The following SRGAP1 variants were observed in gnomAD, a reference collection of about 807,000 sequenced individuals.
SRGAP1 encodes SLIT-ROBO Rho GTPase-activating protein 1.
A neutral mutation model predicts 121.9 loss-of-function variants in SRGAP1; 43 were observed. The ratio of observed to expected loss-of-function variants is 0.35; its 90% CI spans 0.28 to 0.46. SRGAP1 has a LOEUF of 0.46. Ranked by LOEUF, SRGAP1 falls within the 20% of genes least tolerant of loss-of-function variation. SRGAP1 has a pLI of 1.00. For synonymous variants in SRGAP1, 447 were observed against 485.4 expected (o/e 0.92, Z 1.04); for missense variants, 1,102 against 1,350.9 (o/e 0.82, Z 2.89).
At chr12:63,847,739 C>G (rs1485551039) in intron 1 of SRGAP1, among the ~76,000 whole-genome samples, 2 of 152,214 alleles carry the variant, frequency 1.3e-5, no homozygotes, top group Non-Finnish European at 2.9e-5. Context: ...GAGTGAGACT[C>G]TGTCTCAAGA....
At chr12:64,050,653 A>G (rs1439508796) in intron 6 of SRGAP1, among the ~76,000 whole-genome samples, 1 of 152,210 alleles carries the variant, frequency 6.6e-6, no homozygotes, top group African/African-American at 2.4e-5. Context: ...GATCTGATTT[A>G]GGATTACACA....
In SRGAP1 at chr12:64,153,193, C is replaced by T. The variant is rs771186761; in HGVS notation, c.*10521C>T. ...CTGCACATGGGAAAACAGGACCATG[C>T]TCACGTGGTTAAAGAGTCAAACACA... On this transcript the variant is annotated 3_prime_UTR_variant, in exon 22 of 22. Transcript: ENST00000355086. 1 of 151,878 alleles carries T rather than the reference C, an allele frequency of 6.6e-6. No individual in the cohort carries two copies. The highest frequency in any genetic ancestry group is 1.5e-5 in the Non-Finnish European group (1 of 68,038). The allele number at this position is 151,878 out of a possible 1,614,324, so 9.4% of individuals were successfully genotyped here.
chr12:64,000,025 G>A (rs1045570152), intron 3 of SRGAP1, among the ~76,000 whole-genome samples: 1 of 152,084 alleles, frequency 6.6e-6, no homozygotes, highest in African/African-American at 2.4e-5. Flanking sequence ...CTGCCAGGAG[G>A]GAGTGGTCAA....
At chr12:63,868,478 T>G (rs534655190) in intron 1 of SRGAP1, among the ~76,000 whole-genome samples, 80 of 152,208 alleles carry the variant, frequency 5.3e-4, no homozygotes, top group African/African-American at 1.9e-3. Context: ...TGGGCTCAGG[T>G]GATCCTCCCA....
intron 18 of SRGAP1, among the ~76,000 whole-genome samples, chr12:64,125,730 G>A (rs183069291): frequency 2.0e-5 from 3 of 152,236 alleles, no homozygotes; most frequent in Admixed American, 1.3e-4. Context: ...GTAAGAGGCT[G>A]TGGAAATGAA....
Position 64,159,251 on chromosome 12 carries a change from A to AGCT in SRGAP1, c.*16580_*16581insCTG, listed in dbSNP as rs1466062784. On this transcript the variant is annotated 3_prime_UTR_variant, in exon 22 of 22. Transcript: ENST00000355086. ...AAGGCCGAGGTGGGTGGATCACTTGAGGTCAGGAGTTCAGGACCAACCTGA... is the reference window on the plus strand; with the variant it reads ...AAGGCCGAGGTGGGTGGATCACTTGAGCTGGTCAGGAGTTCAGGACCAACCTGA... The AGCT allele has an allele frequency of 6.6e-6, 1 of 152,446 alleles. No homozygotes were observed. Among genetic ancestry groups the AGCT allele is most frequent in the Non-Finnish European group, 1.5e-5 (1 of 68,246 alleles). 9.4% of individuals were successfully genotyped at this position (152,446 alleles called of 1,614,324 possible). A position where few individuals can be genotyped will look rare whatever the true frequency, so the allele number is the denominator to read the frequency against.
At chr12:64,021,085 G>A (rs1054304958) in intron 4 of SRGAP1, among the ~76,000 whole-genome samples, 3 of 152,076 alleles carry the variant, frequency 2.0e-5, no homozygotes, top group African/African-American at 7.2e-5. Flanking sequence ...AATTCAAGAT[G>A]ATTGCTAGAA....
chr12:63,911,511 A>G (rs1437074641), intron 1 of SRGAP1, among the ~76,000 whole-genome samples: 1 of 152,058 alleles, frequency 6.6e-6, no homozygotes, highest in African/African-American at 2.4e-5. Context: ...ATCTCCCTGA[A>G]AAGACTTCGC....
At chr12:63,990,441 A>G (rs1285720001) in intron 3 of SRGAP1, among the ~76,000 whole-genome samples, 2 of 152,208 alleles carry the variant, frequency 1.3e-5, no homozygotes, top group Non-Finnish European at 2.9e-5. Context: ...CTGAGGCAGG[A>G]GAATCACTTG....
chr12:63,871,734 A>G, intron 1 of SRGAP1: 3 of 998,280 alleles, frequency 3.0e-6, no homozygotes, highest in Admixed American at 2.1e-5. Context: ...AAAATATTCC[A>G]AAGTTTAGAA....
At chr12:63,874,504 A>C (rs1241900552) in intron 1 of SRGAP1, among the ~76,000 whole-genome samples, 1 of 152,188 alleles carries the variant, frequency 6.6e-6, no homozygotes, top group Non-Finnish European at 1.5e-5. Flanking sequence ...CGCCCGGCCG[A>C]AAGTGTGACT....
chr12:64,086,851 A>G (rs1265844492), intron 10 of SRGAP1, 148 bp from the exon 11 acceptor site: 3 of 589,394 alleles, frequency 5.1e-6, no homozygotes, highest in East Asian at 3.2e-5. Flanking sequence ...GTCTATCTTC[A>G]TATGCTATCC....
chr12:64,130,824 GC>G (rs2036773560), intron 21 of SRGAP1, among the ~76,000 whole-genome samples: 1 of 152,216 alleles, frequency 6.6e-6, no homozygotes, highest in Admixed American at 6.5e-5. Flanking sequence ...AGCATTGTGT[GC>G]AGGATAGGCA....
At chr12:63,992,906 C>A (rs916963826) in intron 3 of SRGAP1, among the ~76,000 whole-genome samples, 2 of 152,164 alleles carry the variant, frequency 1.3e-5, no homozygotes, top group African/African-American at 4.8e-5. Context: ...GATCAGCTTT[C>A]TCATTCCTAA....
intron 1 of SRGAP1, among the ~76,000 whole-genome samples, chr12:63,973,878 A>G (rs2033024590): frequency 6.6e-6 from 1 of 152,244 alleles, no homozygotes; most frequent in African/African-American, 2.4e-5. Context: ...TGTATCAGGA[A>G]AGAATGTCAA....
At chr12:64,063,752 C>G (rs1406476544) in intron 7 of SRGAP1, among the ~76,000 whole-genome samples, 1 of 151,894 alleles carries the variant, frequency 6.6e-6, no homozygotes, top group African/African-American at 2.4e-5. Context: ...AGGGAGCATG[C>G]TATATAGCAC....
intron 1 of SRGAP1, among the ~76,000 whole-genome samples, chr12:63,922,253 A>G (rs1314477745): frequency 6.6e-6 from 1 of 152,202 alleles, no homozygotes; most frequent in African/African-American, 2.4e-5. Flanking sequence ...TGCTGGGATT[A>G]CAGGCATGAG....
At position 64,112,005 on chromosome 12, in the gene SRGAP1, GTCC is replaced by G; in HGVS notation, c.2144+25_2144+27del. On this transcript the variant is annotated intron_variant, in intron 17 of 21. Coordinates refer to ENST00000355086, the MANE Select transcript of SRGAP1 (RefSeq NM_020762.4). ...ACTATTGGTAAGTCTAAGAATTTTA[GTCC>G]TCCTCTCCCACCGAAAATTATGGAA... 1 of 1,592,202 alleles carries G rather than the reference GTCC, an allele frequency of 6.3e-7. No individual in the cohort carries two copies. The highest frequency in any genetic ancestry group is 8.6e-7 in the Non-Finnish European group (1 of 1,162,102).
At chr12:64,111,447 G>A (rs1178803519) in intron 16 of SRGAP1, among the ~76,000 whole-genome samples, 7 of 152,102 alleles carry the variant, frequency 4.6e-5, no homozygotes, top group Non-Finnish European at 1.5e-5. Context: ...ATTTACTTGA[G>A]GAACATTTAG....
Sources: allele counts gnomAD v4.1 joint callset (sites outside exome capture counted in the v4.1 genomes callset), GRCh38; gene constraint gnomAD v4.1.1; transcripts MANE v1.5; gene names NCBI Gene and HGNC (gene_info 2026-07-23, HGNC 2026-07-21).